Variants in LRP1B observed in about 807,000 individuals in gnomAD.
LRP1B encodes low-density lipoprotein receptor-related protein 1B.
In LRP1B, 217 loss-of-function variants were observed where a neutral mutation model predicts 556.6. The observed-to-expected ratio is 0.39, with a 90% CI of 0.35 to 0.44. The LOEUF (loss-of-function observed/expected upper bound fraction) is 0.44, where lower values mean the gene tolerates loss of function less well. LRP1B is among the 20% of genes least tolerant of loss of function. The pLI is 1.00. For synonymous variants in LRP1B, 2,047 were observed against 1,865.8 expected, an observed-to-expected ratio of 1.10 and a Z score of -2.50; for missense variants, 5,053 against 5,620.8, an observed-to-expected ratio of 0.90 and a Z score of 3.23.
intron 66 of LRP1B, among the ~76,000 whole-genome samples, chr2:140,419,621 T>C (rs75585840): frequency 0.014 from 2,120 of 152,206 alleles, 51 homozygotes; most frequent in African/African-American, 0.049. Flanking sequence ...ACCAATGAAA[T>C]CAAATTAAGA....
intron 32 of LRP1B, among the ~76,000 whole-genome samples, chr2:140,784,202 G>C (rs1689805033): frequency 2.0e-5 from 3 of 151,974 alleles, no homozygotes; most frequent in Admixed American, 6.5e-5. Flanking sequence ...GTTCAAATAG[G>C]GTTAAGAACC....
At chr2:141,442,103 T>C (rs1018208803) in intron 3 of LRP1B, among the ~76,000 whole-genome samples, 5 of 152,190 alleles carry the variant, frequency 3.3e-5, no homozygotes, top group Non-Finnish European at 7.3e-5. Flanking sequence ...ATAAATTTCA[T>C]GAAAAGACTG....
At chr2:140,665,485 G>A (rs1196309603) in intron 41 of LRP1B, among the ~76,000 whole-genome samples, 1 of 152,124 alleles carries the variant, frequency 6.6e-6, no homozygotes, top group Non-Finnish European at 1.5e-5. Context: ...TCATTCTTCT[G>A]ATAAATAATT....
At chr2:141,058,462 T>C (rs770116242) in intron 9 of LRP1B, among the ~76,000 whole-genome samples, 7 of 151,900 alleles carry the variant, frequency 4.6e-5, no homozygotes, top group Non-Finnish European at 7.4e-5. Flanking sequence ...GAATATGTGT[T>C]AAAGAACAAT....
At chr2:140,378,585 T>C (rs981587815) in intron 67 of LRP1B, among the ~76,000 whole-genome samples, 2 of 152,192 alleles carry the variant, frequency 1.3e-5, no homozygotes, top group African/African-American at 4.8e-5. Flanking sequence ...CCTATTGTCA[T>C]ACTGTAACAA....
intron 3 of LRP1B, among the ~76,000 whole-genome samples, chr2:141,334,815 G>A (rs759322458): frequency 4.6e-5 from 7 of 152,110 alleles, no homozygotes; most frequent in Admixed American, 2.0e-4. Context: ...GCCTCCCAAA[G>A]TGCTGGGATT....
chr2:140,335,930 T>C, intron 77 of LRP1B, 92 bp from the exon 78 acceptor site: 1 of 784,946 alleles, frequency 1.3e-6, no homozygotes, highest in Non-Finnish European at 2.2e-6. Context: ...GGGGGAATTG[T>C]AAGAACATAG....
At chr2:141,189,962 G>GAAAAGGAAGA (rs1681436399) in intron 6 of LRP1B, among the ~76,000 whole-genome samples, 2 of 147,828 alleles carry the variant, frequency 1.4e-5, no homozygotes, top group African/African-American at 5.0e-5. Flanking sequence ...AGGAAGAAAA[G>GAAAAGGAAGA]AAAGAAAGAA....
intron 41 of LRP1B, among the ~76,000 whole-genome samples, chr2:140,661,623 C>T (rs1379414549): frequency 4.6e-5 from 7 of 151,922 alleles, no homozygotes; most frequent in African/African-American, 1.7e-4. Flanking sequence ...GCTGTGATTG[C>T]ACCACTGCAC....
intron 2 of LRP1B, among the ~76,000 whole-genome samples, chr2:141,721,252 C>A (rs767886343): frequency 6.6e-6 from 1 of 152,054 alleles, no homozygotes; most frequent in Non-Finnish European, 1.5e-5. Flanking sequence ...CAAAAGTGTG[C>A]TTGACTGGTT....
chr2:141,224,167 A>ACAG (rs1295382119), intron 6 of LRP1B, among the ~76,000 whole-genome samples: 1 of 135,140 alleles, frequency 7.4e-6, no homozygotes, highest in Non-Finnish European at 1.6e-5. Context: ...CACACACACA[A>ACAG]ACATTAAAAA....
intron 2 of LRP1B, among the ~76,000 whole-genome samples, chr2:141,730,933 CA>C (rs1693248342): frequency 2.0e-5 from 3 of 152,116 alleles, no homozygotes; most frequent in Admixed American, 2.0e-4. Flanking sequence ...CTAAAGGGGC[CA>C]GTCTTTACGT....
At chr2:142,013,885 C>G (rs926621157) in intron 1 of LRP1B, among the ~76,000 whole-genome samples, 16 of 152,042 alleles carry the variant, frequency 1.1e-4, no homozygotes, top group Non-Finnish European at 2.9e-5. Flanking sequence ...TTCCTGGCCT[C>G]TAGATGTTTA....
At chr2:141,639,197 C>T (rs1290246168) in intron 2 of LRP1B, among the ~76,000 whole-genome samples, 2 of 140,270 alleles carry the variant, frequency 1.4e-5, no homozygotes, top group African/African-American at 5.2e-5. Context: ...GAGGCCGACA[C>T]CAGGCAAAGC....
chr2:141,869,240 A>G (rs1698506754), intron 1 of LRP1B, among the ~76,000 whole-genome samples: 1 of 152,048 alleles, frequency 6.6e-6, no homozygotes, highest in Non-Finnish European at 1.5e-5. Context: ...CAGCTGAAAT[A>G]TGGTTACTGC....
At chr2:140,357,721 C>T (rs1180697726) in intron 74 of LRP1B, among the ~76,000 whole-genome samples, 1 of 151,562 alleles carries the variant, frequency 6.6e-6, no homozygotes, top group African/African-American at 2.4e-5. Context: ...ACATTGCTGA[C>T]ATCAACTTCG....
At chr2:141,115,036 A>G (rs1330320410) in intron 7 of LRP1B, among the ~76,000 whole-genome samples, 1 of 152,144 alleles carries the variant, frequency 6.6e-6, no homozygotes, top group Non-Finnish European at 1.5e-5. Flanking sequence ...AGTAAAACCA[A>G]TGAAGCAAAA....
At chr2:141,369,083 A>G (rs1238675943) in intron 3 of LRP1B, among the ~76,000 whole-genome samples, 2 of 152,154 alleles carry the variant, frequency 1.3e-5, no homozygotes, top group Non-Finnish European at 2.9e-5. Flanking sequence ...ATCAAGTAGT[A>G]TCATTTAGGA....
intron 7 of LRP1B, among the ~76,000 whole-genome samples, chr2:141,085,369 G>A (rs1382936750): frequency 6.6e-6 from 1 of 152,172 alleles, no homozygotes; most frequent in Admixed American, 6.5e-5. Context: ...GAATGTGACT[G>A]TATTTGAAAA....
Sources: allele counts gnomAD v4.1 joint callset (sites outside exome capture counted in the v4.1 genomes callset), GRCh38; gene constraint gnomAD v4.1.1; transcripts MANE v1.5; gene names NCBI Gene and HGNC (gene_info 2026-07-23, HGNC 2026-07-21).